The following FNDC3A variants were observed in gnomAD, a reference collection of about 807,000 sequenced individuals.
FNDC3A encodes fibronectin type III domain containing 3A, also known as fibronectin type-III domain-containing protein 3A.
In FNDC3A, 32 loss-of-function variants were observed where a neutral mutation model predicts 148.9. That is an observed-to-expected ratio of 0.21 (90% CI 0.16 to 0.29). FNDC3A has a LOEUF of 0.29. Ranked by LOEUF, FNDC3A falls within the 10% of genes least tolerant of loss-of-function variation. FNDC3A has a pLI of 1.00. For missense variants in FNDC3A, 1,191 were observed against 1,452.8 expected (o/e 0.82, Z 2.93); for synonymous variants, 472 against 473.6 (o/e 1.00, Z 0.04).
intron 6 of FNDC3A, 119 bp from the exon 7 acceptor site, chr13:49,138,628 A>T: frequency 1.8e-6 from 1 of 552,726 alleles, no homozygotes; most frequent in Non-Finnish European, 3.3e-6. Flanking sequence ...ACAAAGGAAT[A>T]AAAACTAGAA....
intron 17 of FNDC3A, among the ~76,000 whole-genome samples, chr13:49,190,563 A>G (rs1289839111): frequency 1.3e-5 from 2 of 152,224 alleles, no homozygotes; most frequent in South Asian, 4.1e-4. Flanking sequence ...AATACAGTCT[A>G]CAGTAGTAAA....
chr13:49,185,744 C>T (rs981231195), intron 14 of FNDC3A, among the ~76,000 whole-genome samples: 1 of 152,188 alleles, frequency 6.6e-6, no homozygotes, highest in African/African-American at 2.4e-5. Context: ...CACTTGTATT[C>T]CCAGGACGGA....
At chr13:49,171,615 C>T (rs1250442045) in intron 10 of FNDC3A, among the ~76,000 whole-genome samples, 1 of 152,150 alleles carries the variant, frequency 6.6e-6, no homozygotes, top group African/African-American at 2.4e-5. Context: ...AGACACTGCC[C>T]TCTCAGAGCT....
chr13:49,085,894 T>C (rs868842757), intron 3 of FNDC3A, among the ~76,000 whole-genome samples: 111 of 149,316 alleles, frequency 7.4e-4, no homozygotes, highest in South Asian at 4.0e-3. Flanking sequence ...TTTTTTTTTT[T>C]CCCCTTGAGA....
chr13:49,040,428 A>G (rs1014807423), intron 2 of FNDC3A, among the ~76,000 whole-genome samples: 2 of 152,256 alleles, frequency 1.3e-5, no homozygotes, highest in African/African-American at 4.8e-5. Context: ...GAAAACTCCT[A>G]GGTATCACAC....
intron 25 of FNDC3A, among the ~76,000 whole-genome samples, chr13:49,205,316 C>G (rs1453463466): frequency 6.6e-6 from 1 of 152,182 alleles, no homozygotes; most frequent in Non-Finnish European, 1.5e-5. Flanking sequence ...CAAAAATCAT[C>G]TATTATATCC....
At chr13:49,003,830 A>T (rs1282608687) in intron 1 of FNDC3A, among the ~76,000 whole-genome samples, 1 of 152,208 alleles carries the variant, frequency 6.6e-6, no homozygotes, top group Non-Finnish European at 1.5e-5. Context: ...GCAACTGTTT[A>T]TTTAATGTAT....
At position 49,019,288 on chromosome 13, in the gene FNDC3A, G is replaced by A. The variant is rs541245596; in HGVS notation, c.99+12999G>A. Among the ~76,000 whole-genome samples, 79 of 152,352 alleles carry A rather than the reference G, an allele frequency of 5.2e-4. 1 individual carries two copies. The South Asian group carries it at 9.7e-3, about 19-fold the overall frequency. On this transcript the variant is annotated intron_variant, in intron 2 of 25. Coordinates refer to ENST00000492622, the MANE Select transcript of FNDC3A (RefSeq NM_001079673.2). The stretch of plus-strand genomic sequence containing the variant: ...GCGTAGGACCCTCTGAGCTAGGTGC[G>A]GGATATAATCTTCTGGTGCGCCGTT...
chr13:49,101,794 GTTTTTT>G (rs570292116), intron 3 of FNDC3A, among the ~76,000 whole-genome samples: 1 of 103,374 alleles, frequency 9.7e-6, no homozygotes, highest in Non-Finnish European at 2.1e-5. Context: ...ACCTGCTTTA[GTTTTTT>G]TTTTTTTTTT....
At chr13:49,058,257 A>C (rs1417145329) in intron 2 of FNDC3A, among the ~76,000 whole-genome samples, 2 of 152,138 alleles carry the variant, frequency 1.3e-5, no homozygotes, top group Non-Finnish European at 2.9e-5. Flanking sequence ...AGCAGGAGGT[A>C]TGTGACTGGG....
At chr13:49,118,036 GCTA>G (rs1881078998) in intron 4 of FNDC3A, among the ~76,000 whole-genome samples, 1 of 152,130 alleles carries the variant, frequency 6.6e-6, no homozygotes, top group South Asian at 2.1e-4. Flanking sequence ...AGGTTAGTGG[GCTA>G]CTATTATTAA....
At chr13:49,173,256 G>A (rs1884856539) in intron 11 of FNDC3A, among the ~76,000 whole-genome samples, 2 of 152,210 alleles carry the variant, frequency 1.3e-5, no homozygotes, top group African/African-American at 2.4e-5. Context: ...TGGGAATTCG[G>A]CAGTATATTA....
At chr13:49,063,442 A>G (rs755439491) in intron 2 of FNDC3A, among the ~76,000 whole-genome samples, 1 of 152,300 alleles carries the variant, frequency 6.6e-6, no homozygotes, top group South Asian at 2.1e-4. Context: ...AGTAGAGCTT[A>G]TTTGGGCCAG....
rs370468596 is a variant in FNDC3A at position 49,074,947 on chromosome 13, T to C, written c.100-342T>C. 5.2e-3 allele frequency among the ~76,000 whole-genome samples: 797 copies of C among 152,310 alleles called. 6 individuals carry two copies. The highest frequency in any genetic ancestry group is 0.018 in the African/African-American group (761 of 41,572). Reference sequence around the variant, plus strand: ...ATGCTCTACCTATCAGTTTATACTTTAGAAAAACATGATACTTAGCAACTG... The same window carrying C: ...ATGCTCTACCTATCAGTTTATACTTCAGAAAAACATGATACTTAGCAACTG... On this transcript the variant is annotated intron_variant, in intron 2 of 25. Transcript: ENST00000492622.
intron 1 of FNDC3A, among the ~76,000 whole-genome samples, chr13:48,999,408 A>G (rs1044038785): frequency 2.0e-5 from 3 of 152,160 alleles, no homozygotes; most frequent in Admixed American, 6.5e-5. Flanking sequence ...TCTTTTGCAA[A>G]TACATAACAT....
chr13:49,148,636 G>A (rs1383715374), intron 8 of FNDC3A, among the ~76,000 whole-genome samples: 1 of 152,170 alleles, frequency 6.6e-6, no homozygotes, highest in Non-Finnish European at 1.5e-5. Context: ...GTCAGGTAGA[G>A]TGATGCCTCC....
chr13:48,976,565 G>C (rs1409031832), intron 1 of FNDC3A: 1 of 152,284 alleles, frequency 6.6e-6, no homozygotes, highest in South Asian at 2.1e-4. Context: ...GCGGCGAGCC[G>C]CGTAGCTCCG....
intron 2 of FNDC3A, chr13:49,045,013 A>G (rs898488207): frequency 8.7e-5 from 27 of 311,514 alleles, no homozygotes; most frequent in Non-Finnish European, 1.3e-4. Flanking sequence ...ACTGGCTCTC[A>G]TAAGATTTCT....
chr13:49,186,697 G>A (rs191588117), intron 15 of FNDC3A, among the ~76,000 whole-genome samples: 32 of 152,070 alleles, frequency 2.1e-4, no homozygotes, highest in Admixed American at 2.6e-4. Context: ...GTGAAACCCC[G>A]TCTCTACTAA....
Sources: allele counts gnomAD v4.1 joint callset (sites outside exome capture counted in the v4.1 genomes callset), GRCh38; gene constraint gnomAD v4.1.1; transcripts MANE v1.5; gene names NCBI Gene and HGNC (gene_info 2026-07-23, HGNC 2026-07-21).